The following ZNF804B variants were observed in gnomAD, a reference collection of about 807,000 sequenced individuals.
The protein encoded by ZNF804B is zinc finger protein 804B.
A neutral mutation model predicts 101.4 loss-of-function variants in ZNF804B; 80 were observed. The observed-to-expected ratio is 0.79, with a 90% CI of 0.66 to 0.95. ZNF804B has a LOEUF of 0.95. ZNF804B is among the 40% of genes least tolerant of loss of function. The pLI is 0.00. For synonymous variants in ZNF804B, 622 were observed against 558.8 expected, an observed-to-expected ratio of 1.11 and a Z score of -1.59; for missense variants, 1,673 against 1,561.9, an observed-to-expected ratio of 1.07 and a Z score of -1.20.
chr7:88,885,260 T>G (rs1447849281), intron 1 of ZNF804B, among the ~76,000 whole-genome samples: 2 of 151,892 alleles, frequency 1.3e-5, no homozygotes, highest in African/African-American at 2.4e-5. Context: ...AAAAATGTCC[T>G]TTGTTTTTCC....
intron 1 of ZNF804B, among the ~76,000 whole-genome samples, chr7:89,128,641 T>C (rs2116376268): frequency 6.6e-6 from 1 of 152,172 alleles, no homozygotes; most frequent in East Asian, 1.9e-4. Flanking sequence ...TGTTAATTTC[T>C]ATTTTTTCTC....
intron 1 of ZNF804B, among the ~76,000 whole-genome samples, chr7:89,190,920 C>A (rs1175800073): frequency 2.2e-4 from 33 of 152,084 alleles, no homozygotes; most frequent in Non-Finnish European, 2.9e-5. Flanking sequence ...TGCTATTGCA[C>A]ACATAATAGA....
intron 1 of ZNF804B, among the ~76,000 whole-genome samples, chr7:88,899,280 A>C (rs1176242844): frequency 6.6e-6 from 1 of 152,172 alleles, no homozygotes; most frequent in Non-Finnish European, 1.5e-5. Flanking sequence ...AAATAAGCCA[A>C]ATAAATGATC....
intron 1 of ZNF804B, among the ~76,000 whole-genome samples, chr7:88,786,804 A>C (rs548271380): frequency 6.6e-6 from 1 of 152,282 alleles, no homozygotes; most frequent in African/African-American, 2.4e-5. Flanking sequence ...GAGATTGCAT[A>C]ACACTTTTGA....
intron 1 of ZNF804B, among the ~76,000 whole-genome samples, chr7:88,882,606 A>C (rs2115910571): frequency 6.6e-6 from 1 of 152,298 alleles, no homozygotes; most frequent in Non-Finnish European, 1.5e-5. Flanking sequence ...ACAATAACAA[A>C]GACAAGAAAT....
At position 89,195,998 on chromosome 7, in the gene ZNF804B, G is replaced by A. The variant is rs1028456563; in HGVS notation, c.109-22157G>A. On this transcript the variant is annotated intron_variant, in intron 1 of 3. Transcript: ENST00000333190. Reference sequence around the variant, plus strand: ...ACTGCCCAAAGTAATTTATAGATTTGAAGCTATTCCCATTAAACTACCATC... The same window carrying A: ...ACTGCCCAAAGTAATTTATAGATTTAAAGCTATTCCCATTAAACTACCATC... Among the ~76,000 whole-genome samples, 3 of 151,824 alleles carry A rather than the reference G, an allele frequency of 2.0e-5. 1 individual carries two copies. The South Asian group carries it at 6.2e-4, about 31-fold the overall frequency.
At chr7:89,162,734 A>C (rs965270055) in intron 1 of ZNF804B, among the ~76,000 whole-genome samples, 4 of 150,896 alleles carry the variant, frequency 2.7e-5, no homozygotes, top group Non-Finnish European at 4.4e-5. Context: ...TACATGTGCC[A>C]TGCTGGTGCG....
chr7:89,101,492 A>T (rs530486078), intron 1 of ZNF804B, among the ~76,000 whole-genome samples: 1 of 152,082 alleles, frequency 6.6e-6, no homozygotes, highest in South Asian at 2.1e-4. Flanking sequence ...TATATTAATT[A>T]TTTCTCACTT....
intron 1 of ZNF804B, among the ~76,000 whole-genome samples, chr7:89,144,274 C>A (rs1790758014): frequency 6.6e-6 from 1 of 151,888 alleles, no homozygotes; most frequent in African/African-American, 2.4e-5. Flanking sequence ...AGAAAAAAGT[C>A]ATACAAATAG....
intron 2 of ZNF804B, among the ~76,000 whole-genome samples, chr7:89,282,731 A>T (rs572250531): frequency 6.6e-6 from 1 of 152,324 alleles, no homozygotes; most frequent in Non-Finnish European, 1.5e-5. Flanking sequence ...GGGATATTTG[A>T]TGATACACAG....
chr7:89,130,788 A>G (rs1790535545), intron 1 of ZNF804B, among the ~76,000 whole-genome samples: 1 of 152,044 alleles, frequency 6.6e-6, no homozygotes, highest in Non-Finnish European at 1.5e-5. Context: ...GACAGGAATA[A>G]CTAAGAAACA....
chr7:88,833,946 A>G (rs900933811), intron 1 of ZNF804B, among the ~76,000 whole-genome samples: 3 of 151,774 alleles, frequency 2.0e-5, no homozygotes, highest in Non-Finnish European at 4.4e-5. Flanking sequence ...ATGTTTTTTC[A>G]GGTAGAGTAC....
intron 1 of ZNF804B, among the ~76,000 whole-genome samples, chr7:89,007,332 C>G (rs1788380763): frequency 6.7e-6 from 1 of 149,906 alleles, no homozygotes; most frequent in African/African-American, 2.5e-5. Flanking sequence ...GTTTATGTTT[C>G]TATTTAATCC....
chr7:88,895,641 G>A (rs768682366), intron 1 of ZNF804B, among the ~76,000 whole-genome samples: 16 of 152,120 alleles, frequency 1.1e-4, no homozygotes, highest in Non-Finnish European at 7.3e-5. Flanking sequence ...GACTAGGACA[G>A]GGTATACACA....
At chr7:89,278,632 C>A (rs200115164) in intron 2 of ZNF804B, among the ~76,000 whole-genome samples, 1 of 151,574 alleles carries the variant, frequency 6.6e-6, no homozygotes, top group Non-Finnish European at 1.5e-5. Flanking sequence ...GCTTGTTTTT[C>A]TCAGGTTTGT....
intron 1 of ZNF804B, among the ~76,000 whole-genome samples, chr7:89,014,520 G>A (rs895242106): frequency 6.6e-6 from 1 of 152,136 alleles, no homozygotes; most frequent in African/African-American, 2.4e-5. Flanking sequence ...GTTTCACCGT[G>A]TTAGCCAGAA....
At chr7:89,030,636 T>C (rs1788816719) in intron 1 of ZNF804B, among the ~76,000 whole-genome samples, 1 of 152,160 alleles carries the variant, frequency 6.6e-6, no homozygotes, top group African/African-American at 2.4e-5. Context: ...ATCTCTCAAG[T>C]AAATTTTAGA....
At chr7:89,305,739 CT>C (rs993900082) in intron 2 of ZNF804B, among the ~76,000 whole-genome samples, 6 of 151,430 alleles carry the variant, frequency 4.0e-5, no homozygotes, top group African/African-American at 7.3e-5. Flanking sequence ...TTTGTAAATT[CT>C]TTTTTTTCCC....
At chr7:88,801,668 A>C (rs527481046) in intron 1 of ZNF804B, among the ~76,000 whole-genome samples, 86 of 152,298 alleles carry the variant, frequency 5.6e-4, no homozygotes, top group Admixed American at 9.2e-4. Flanking sequence ...TAAAATTATG[A>C]GTTTCACGTT....
Sources: gnomAD v4.1 joint callset for allele counts (sites outside exome capture counted in the v4.1 genomes callset) on GRCh38, gnomAD v4.1.1 for gene constraint, MANE v1.5 for transcripts, NCBI Gene and HGNC (gene_info 2026-07-23, HGNC 2026-07-21) for gene names.